Variants in KLHL1 observed in about 807,000 individuals in gnomAD.
KLHL1 encodes the protein kelch-like protein 1.
In KLHL1, 47 loss-of-function variants were observed where a neutral mutation model predicts 77.7. That is an observed-to-expected ratio of 0.60 (90% CI 0.48 to 0.77). KLHL1 has a LOEUF of 0.77. Ranked by LOEUF, KLHL1 falls within the 30% of genes least tolerant of loss-of-function variation. The pLI is 0.00. For missense variants in KLHL1, 925 were observed against 910.8 expected, an observed-to-expected ratio of 1.02 and a Z score of -0.20; for synonymous variants, 360 against 325.2, an observed-to-expected ratio of 1.11 and a Z score of -1.15.
intron 9 of KLHL1, among the ~76,000 whole-genome samples, chr13:69,716,120 C>T (rs1247960390): frequency 6.6e-6 from 1 of 152,076 alleles, no homozygotes; most frequent in Non-Finnish European, 1.5e-5. Context: ...TTCCATGAAT[C>T]CACCTCAACA....
rs1445665018 is a variant in KLHL1 at position 69,787,734 on chromosome 13, T to C, written c.1639+9004A>G. On this transcript the variant is annotated intron_variant, in intron 7 of 10. Transcript: ENST00000377844. ...CAGAGTGAAAAGGCAACCTACAAAA[T>C]GGGAGAAAATTTTCACAACCTACTC... Among the ~76,000 whole-genome samples, 8 of 151,920 alleles carry C rather than the reference T, an allele frequency of 5.3e-5. No homozygotes were observed. The South Asian group carries it at 6.2e-4, about 12-fold the overall frequency.
At chr13:70,061,194 AC>A (rs1886875177) in intron 1 of KLHL1, among the ~76,000 whole-genome samples, 1 of 152,138 alleles carries the variant, frequency 6.6e-6, no homozygotes, top group African/African-American at 2.4e-5. Flanking sequence ...ATCACAGTTT[AC>A]AGTGTAGAAT....
intron 9 of KLHL1, 94 bp downstream of exon 9, chr13:69,719,275 T>C: frequency 9.5e-7 from 1 of 1,048,496 alleles, no homozygotes. Context: ...GAATTTACCC[T>C]TCCTAAATAA....
chr13:69,940,098 G>T lies in KLHL1; in HGVS notation c.956C>A (p.Ala319Asp). The T allele has an allele frequency of 6.2e-7, 1 of 1,612,936 alleles. No individual in the cohort carries two copies. Among genetic ancestry groups the T allele is most frequent in the Non-Finnish European group, 8.5e-7 (1 of 1,179,468 alleles). ...LHPSNCLGIR[A>D]FADAQGCIEL... ...AATGCATCCTTGAGCATCTGCGAAG[G>T]CTCGAATTCCTAAACAGTTAGATGG... The change falls in exon 4 of 11, where the codon GCC (alanine) becomes GAC (aspartate). Residue 319 changes from alanine (A) to aspartate (D), a missense_variant. Transcript: ENST00000377844.
chr13:69,813,961 A>G (rs891347732), intron 6 of KLHL1, among the ~76,000 whole-genome samples: 2 of 152,192 alleles, frequency 1.3e-5, no homozygotes, highest in African/African-American at 2.4e-5. Context: ...CAAAAAGAAT[A>G]AAGTTGGAGG....
chr13:69,758,054 C>T (rs940187590), intron 7 of KLHL1, among the ~76,000 whole-genome samples: 2 of 148,910 alleles, frequency 1.3e-5, no homozygotes, highest in East Asian at 2.0e-4. Context: ...AAAGTAAAAA[C>T]CTTTATTTTC....
chr13:69,712,771 TTGG>T (rs1426856890), intron 9 of KLHL1, among the ~76,000 whole-genome samples: 2 of 134,554 alleles, frequency 1.5e-5, no homozygotes, highest in African/African-American at 2.8e-5. Flanking sequence ...TTTTTTTTTT[TTGG>T]GGGGGGGGTT....
chr13:69,817,109 A>T (rs1233611439), intron 6 of KLHL1, among the ~76,000 whole-genome samples: 1 of 152,158 alleles, frequency 6.6e-6, no homozygotes, highest in Non-Finnish European at 1.5e-5. Context: ...TTTTCAAATA[A>T]AATATTTATT....
intron 1 of KLHL1, among the ~76,000 whole-genome samples, chr13:70,094,309 A>T (rs1308626010): frequency 1.3e-5 from 2 of 151,738 alleles, no homozygotes; most frequent in African/African-American, 4.9e-5. Flanking sequence ...TGCATGACAG[A>T]GTGAGAACCC....
chr13:69,789,100 T>C (rs1466229494), intron 7 of KLHL1, among the ~76,000 whole-genome samples: 1 of 151,642 alleles, frequency 6.6e-6, no homozygotes, highest in Non-Finnish European at 1.5e-5. Context: ...TCTATACCTA[T>C]GCCTATATTA....
At chr13:69,949,402 A>T (rs1485280914) in intron 3 of KLHL1, among the ~76,000 whole-genome samples, 2 of 151,694 alleles carry the variant, frequency 1.3e-5, no homozygotes, top group African/African-American at 4.8e-5. Context: ...TATTTTGCTG[A>T]TTATTAGACT....
intron 1 of KLHL1, among the ~76,000 whole-genome samples, chr13:69,995,707 C>T (rs1252453466): frequency 6.6e-6 from 1 of 152,070 alleles, no homozygotes; most frequent in Non-Finnish European, 1.5e-5. Flanking sequence ...CCACAATATC[C>T]AGCAGCAGAG....
chr13:69,839,129 T>C lies in KLHL1; in HGVS notation c.1261A>G (p.Lys421Glu). 2 of 1,605,560 alleles carry C rather than the reference T, an allele frequency of 1.2e-6. No homozygotes were observed. Among genetic ancestry groups the C allele is most frequent in the Non-Finnish European group, 1.7e-6 (2 of 1,175,292 alleles). The change falls in exon 6 of 11, where the codon AAG becomes GAG. Residue 421 changes from lysine to glutamate, a missense_variant. Coordinates refer to ENST00000377844, the MANE Select transcript of KLHL1 (RefSeq NM_020866.3). Reference protein sequence around the residue: ...LADLENHALFKNDLECQKLIL... With the variant: ...LADLENHALFENDLECQKLIL... ...AGCTTTTGACATTCCAGATCATTCT[T>C]AAATAATGCATGATTTTCTAGGTCA...
chr13:69,774,233 T>C (rs1875712885), intron 7 of KLHL1, among the ~76,000 whole-genome samples: 1 of 151,928 alleles, frequency 6.6e-6, no homozygotes, highest in African/African-American at 2.4e-5. Context: ...AACTCACAGA[T>C]ACAAATAGAG....
chr13:69,729,231 C>T (rs1221301661), intron 8 of KLHL1, among the ~76,000 whole-genome samples: 1 of 152,018 alleles, frequency 6.6e-6, no homozygotes, highest in Non-Finnish European at 1.5e-5. Flanking sequence ...GGCATATATA[C>T]CCCTTAGCTT....
At chr13:69,918,869 C>T (rs190356222) in intron 4 of KLHL1, among the ~76,000 whole-genome samples, 28 of 152,244 alleles carry the variant, frequency 1.8e-4, no homozygotes, top group East Asian at 1.2e-3. Flanking sequence ...TTATAAAACA[C>T]GGGTTGTGTA....
At chr13:70,089,677 G>A (rs1253388504) in intron 1 of KLHL1, among the ~76,000 whole-genome samples, 1 of 151,838 alleles carries the variant, frequency 6.6e-6, no homozygotes, top group Non-Finnish European at 1.5e-5. Context: ...ATAAATCTAG[G>A]TCCTGCAGAT....
chr13:69,966,367 A>C (rs79369887), intron 2 of KLHL1, among the ~76,000 whole-genome samples: 11,814 of 152,162 alleles, frequency 0.078, 852 homozygotes, highest in African/African-American at 0.19. Flanking sequence ...TAGGAATGGA[A>C]CTATAAAGCC....
intron 1 of KLHL1, among the ~76,000 whole-genome samples, chr13:70,057,991 A>G (rs935137789): frequency 3.9e-5 from 6 of 152,094 alleles, no homozygotes; most frequent in Non-Finnish European, 8.8e-5. Context: ...GACAAAAACC[A>G]TATCATAATT....
Sources: allele counts gnomAD v4.1 joint callset (sites outside exome capture counted in the v4.1 genomes callset), GRCh38; gene constraint gnomAD v4.1.1; transcripts MANE v1.5; gene names NCBI Gene and HGNC (gene_info 2026-07-23, HGNC 2026-07-21).